Variants in DPP6 observed in about 807,000 individuals in gnomAD.
The protein encoded by DPP6 is A-type potassium channel modulatory protein DPP6.
In DPP6, 69 loss-of-function variants were observed where a neutral mutation model predicts 122.6. The observed-to-expected ratio is 0.56, with a 90% confidence interval of 0.46 to 0.69. The LOEUF is 0.69. DPP6 is among the 30% of genes least tolerant of loss of function. DPP6 has a pLI of 0.00. For synonymous variants in DPP6, 418 were observed against 433.1 expected (o/e 0.97, Z 0.43); for missense variants, 928 against 1,116.9 (o/e 0.83, Z 2.41).
At chr7:154,381,117 G>T (rs1813562823) in intron 1 of DPP6, among the ~76,000 whole-genome samples, 1 of 152,130 alleles carries the variant, frequency 6.6e-6, no homozygotes, top group South Asian at 2.1e-4. Flanking sequence ...TGTGGCAAAG[G>T]TGGGCGTGGG....
intron 1 of DPP6, among the ~76,000 whole-genome samples, chr7:153,938,533 C>G (rs1046367953): frequency 6.6e-6 from 1 of 152,154 alleles, no homozygotes; most frequent in African/African-American, 2.4e-5. Flanking sequence ...TAGAAAGAGC[C>G]TAATGGATGA....
At position 154,282,770 on chromosome 7, in the gene DPP6, G is replaced by A. The variant is rs182416182; in HGVS notation, c.244-163444G>A. On this transcript the variant is annotated intron_variant, in intron 1 of 25. Coordinates refer to ENST00000377770, the MANE Select transcript of DPP6 (RefSeq NM_130797.4). This position sits in a 1 kb window ranked among gnomAD's most constrained non-coding sequence, Gnocchi z 4.8. ...AAATTTAAAAAAAGTATGTATATTT[G>A]GGTAGATAAATATAGGGTTGATTCC... 6.6e-6 allele frequency among the ~76,000 whole-genome samples: 1 copy of A among 152,190 alleles called. No individual in the cohort carries two copies. Among genetic ancestry groups the A allele is most frequent in the Admixed American group, 6.5e-5 (1 of 15,290 alleles).
Position 153,920,561 on chromosome 7 carries a change from C to CTTTTTTTTTTTTTTTT in DPP6, c.51+32828_51+32829insTTTTTTTTTTTTTTTT, listed in dbSNP as rs1489811189. ...TAGTCAACCTTTTTCTTTTATCTCT[C>CTTTTTTTTTTTTTTTT]TCTTTTTTTTTTTTTTTTTGAGATG... On this transcript the variant is annotated intron_variant, in intron 1 of 25. Coordinates refer to the DPP6 transcript ENST00000404039. Among the ~76,000 whole-genome samples the CTTTTTTTTTTTTTTTT allele has an allele frequency of 1.8e-3, 112 of 62,434 alleles. 11 individuals are homozygous for CTTTTTTTTTTTTTTTT. Among genetic ancestry groups the CTTTTTTTTTTTTTTTT allele is most frequent in the Middle Eastern group, 0.011 (1 of 90 alleles). The allele number at this position is 62,434 out of a possible 152,430, so 41.0% of individuals were successfully genotyped here.
intron 1 of DPP6, among the ~76,000 whole-genome samples, chr7:153,932,951 G>A (rs1394831873): frequency 6.6e-6 from 1 of 152,110 alleles, no homozygotes; most frequent in African/African-American, 2.4e-5. Flanking sequence ...TATTCTTGTG[G>A]TAGTGAATAA....
At chr7:154,538,633 G>A (rs534042272) in intron 3 of DPP6, among the ~76,000 whole-genome samples, 1 of 152,284 alleles carries the variant, frequency 6.6e-6, no homozygotes, top group East Asian at 1.9e-4. Context: ...AATGGACGAA[G>A]GGAGATAAGG....
intron 1 of DPP6, among the ~76,000 whole-genome samples, chr7:154,285,185 C>G (rs1184559320): frequency 6.6e-6 from 1 of 152,120 alleles, no homozygotes; most frequent in Non-Finnish European, 1.5e-5. Context: ...AATAAAACTG[C>G]TTTTAACTAG....
chr7:153,941,397 G>T (rs1268783598), intron 1 of DPP6, among the ~76,000 whole-genome samples: 2 of 152,170 alleles, frequency 1.3e-5, no homozygotes, highest in Admixed American at 6.5e-5. Context: ...AGGTGGTGCT[G>T]GGTGATGTCT....
intron 1 of DPP6, among the ~76,000 whole-genome samples, chr7:154,086,950 C>T (rs1439542695): frequency 2.6e-5 from 4 of 152,314 alleles, no homozygotes; most frequent in South Asian, 2.1e-4. Flanking sequence ...CTCACCCACA[C>T]ATATAACATT....
chr7:154,815,506 C>T (rs1379131654), intron 16 of DPP6, among the ~76,000 whole-genome samples: 1 of 152,196 alleles, frequency 6.6e-6, no homozygotes, highest in Non-Finnish European at 1.5e-5. Flanking sequence ...AAATGAATCT[C>T]AAGAGTATGA....
chr7:154,678,963 A>G lies in DPP6; in HGVS notation c.762+9522A>G, dbSNP rs1586873894. Among the ~76,000 whole-genome samples, 3 of 151,880 alleles carry G rather than the reference A, an allele frequency of 2.0e-5. No homozygotes were observed. In the South Asian group the frequency reaches 6.3e-4, roughly 32 times the overall value. Reference sequence around the variant, plus strand: ...ATAACGTTCTCAATAAATGTCTTTGATTGTTGCTGCTTTTACTATTTGGGT... The same window carrying G: ...ATAACGTTCTCAATAAATGTCTTTGGTTGTTGCTGCTTTTACTATTTGGGT... On this transcript the variant is annotated intron_variant, in intron 7 of 25. Transcript: ENST00000377770.
intron 1 of DPP6, among the ~76,000 whole-genome samples, chr7:154,196,146 G>C (rs1798855254): frequency 6.6e-6 from 1 of 152,192 alleles, no homozygotes; most frequent in African/African-American, 2.4e-5. Context: ...ATGGAGGCCT[G>C]TTTGCTGTTA....
At chr7:153,788,094 T>G in the DPP6 span, among the ~76,000 whole-genome samples, 1 of 152,208 alleles carries the variant, frequency 6.6e-6, no homozygotes, top group South Asian at 2.1e-4. Context: ...TGGAGAATAT[T>G]TTCATAATAT....
chr7:154,194,779 G>A (rs1798783998), intron 1 of DPP6, among the ~76,000 whole-genome samples: 1 of 152,110 alleles, frequency 6.6e-6, no homozygotes, highest in African/African-American at 2.4e-5. Context: ...TGTCTTCTTT[G>A]GTAAAATACC....
At chr7:153,920,058 A>T (rs894812470) in intron 1 of DPP6, among the ~76,000 whole-genome samples, 4 of 152,204 alleles carry the variant, frequency 2.6e-5, no homozygotes, top group Non-Finnish European at 5.9e-5. Context: ...TAATGATTCA[A>T]ATGTACCTCA....
At chr7:154,524,890 T>C (rs1294338435) in intron 3 of DPP6, among the ~76,000 whole-genome samples, 1 of 152,122 alleles carries the variant, frequency 6.6e-6, no homozygotes, top group Non-Finnish European at 1.5e-5. Context: ...TTCTGGCCAG[T>C]AAGATATTTT....
At position 154,421,577 on chromosome 7, in the gene DPP6, G is replaced by A. The variant is rs1817476381; in HGVS notation, c.244-24637G>A. Among the ~76,000 whole-genome samples the A allele has an allele frequency of 2.0e-5, 3 of 152,090 alleles. No individual in the cohort carries two copies. In the South Asian group the frequency reaches 6.2e-4, roughly 32 times the overall value. The stretch of plus-strand genomic sequence containing the variant: ...GACCTCAGGTGATCTGCCCACCTCG[G>A]CCTCCCAAAACGCTGGGATTACGGG... On this transcript the variant is annotated intron_variant, in intron 1 of 25. Transcript: ENST00000377770.
intron 16 of DPP6, among the ~76,000 whole-genome samples, chr7:154,853,169 A>T (rs2150577656): frequency 6.6e-6 from 1 of 152,362 alleles, no homozygotes; most frequent in South Asian, 2.1e-4. Flanking sequence ...AGTCACCTGC[A>T]GAGAAAACAG....
intron 1 of DPP6, among the ~76,000 whole-genome samples, chr7:153,979,676 T>A (rs1168964339): frequency 6.6e-6 from 1 of 152,212 alleles, no homozygotes; most frequent in Non-Finnish European, 1.5e-5. Context: ...ATATTGGCTG[T>A]GGGTTTGTCA....
intron 7 of DPP6, among the ~76,000 whole-genome samples, chr7:154,713,581 G>C (rs957500907): frequency 6.6e-6 from 1 of 152,206 alleles, no homozygotes; most frequent in African/African-American, 2.4e-5. Flanking sequence ...GCCAAGATTT[G>C]GGGCTTGCAC....
Sources: gnomAD v4.1 joint callset for allele counts (sites outside exome capture counted in the v4.1 genomes callset) on GRCh38, gnomAD v4.1.1 for gene constraint, Gnocchi (gnomAD v3.1) non-coding constraint, MANE v1.5 for transcripts, NCBI Gene and HGNC (gene_info 2026-07-23, HGNC 2026-07-21) for gene names.